The following DPYD variants were observed in gnomAD, a reference collection of about 807,000 sequenced individuals.
DPYD encodes the protein dihydropyrimidine dehydrogenase, also known as dihydropyrimidine dehydrogenase [NADP(+)].
Under a neutral mutation model 116.2 loss-of-function variants are expected in DPYD, and 109 were observed. The observed-to-expected ratio is 0.94, with a 90% CI of 0.80 to 1.10. The LOEUF (loss-of-function observed/expected upper bound fraction) is 1.10. DPYD is among the 50% of genes least tolerant of loss of function. The pLI is 0.00. For missense variants in DPYD, 1,302 were observed against 1,254.5 expected, an observed-to-expected ratio of 1.04 and a Z score of -0.57; for synonymous variants, 440 against 432.0, an observed-to-expected ratio of 1.02 and a Z score of -0.23.
intron 8 of DPYD, among the ~76,000 whole-genome samples, chr1:97,629,866 G>A (rs1238546527): frequency 6.6e-6 from 1 of 151,992 alleles, no homozygotes; most frequent in African/African-American, 2.4e-5. Flanking sequence ...ACTGGGGGCT[G>A]TGAGAATTGA....
chr1:97,487,432 G>A (rs1183732944), intron 13 of DPYD, among the ~76,000 whole-genome samples: 1 of 152,186 alleles, frequency 6.6e-6, no homozygotes, highest in Non-Finnish European at 1.5e-5. Flanking sequence ...CCAGCACTTT[G>A]GGAGGCCAAG....
chr1:97,691,708 T>A lies in DPYD; in HGVS notation c.762+9A>T, dbSNP rs1448805727. 2 of 1,612,504 alleles carry A rather than the reference T, an allele frequency of 1.2e-6. No homozygotes were observed. Among genetic ancestry groups the A allele is most frequent in the African/African-American group, 2.7e-5 (2 of 74,870 alleles). ...GAGCAGTACACAGATAGGTGTTTTT[T>A]TCATTTACCTTTACACCAAGGTCCT... On this transcript the variant is annotated intron_variant, in intron 7 of 22. Transcript: ENST00000370192.
chr1:97,896,672 T>C (rs1037617532), intron 1 of DPYD, among the ~76,000 whole-genome samples: 1 of 151,816 alleles, frequency 6.6e-6, no homozygotes, highest in Non-Finnish European at 1.5e-5. Context: ...AACATATCCC[T>C]GCCAAAAACA....
At chr1:97,787,714 T>C (rs891563965) in intron 3 of DPYD, among the ~76,000 whole-genome samples, 6 of 152,262 alleles carry the variant, frequency 3.9e-5, no homozygotes, top group African/African-American at 1.4e-4. Context: ...GCTATAACAA[T>C]AATAGAGCAC....
At chr1:97,308,366 T>C (rs1667289414) in intron 16 of DPYD, 1 of 151,716 alleles carries the variant, frequency 6.6e-6, no homozygotes, top group Admixed American at 6.6e-5. Context: ...TGTTCACATA[T>C]ATTTTTCTCA....
chr1:97,336,337 G>A (rs1669281428), intron 16 of DPYD, among the ~76,000 whole-genome samples: 1 of 152,166 alleles, frequency 6.6e-6, no homozygotes, highest in South Asian at 2.1e-4. Flanking sequence ...CTGCAAAGAT[G>A]ATTTAAAGAA....
intron 13 of DPYD, among the ~76,000 whole-genome samples, chr1:97,459,168 TA>T (rs201326818): frequency 4.0e-5 from 6 of 151,700 alleles, no homozygotes; most frequent in Non-Finnish European, 7.4e-5. Context: ...TTTCTAGAAA[TA>T]AAAAAAATAA....
At chr1:97,570,660 T>C (rs1327775363) in intron 11 of DPYD, among the ~76,000 whole-genome samples, 1 of 151,908 alleles carries the variant, frequency 6.6e-6, no homozygotes, top group Non-Finnish European at 1.5e-5. Context: ...ATGGTACCAT[T>C]TGCAATAATA....
chr1:97,920,740 T>TC, intron 1 of DPYD, 144 bp downstream of exon 1: 1 of 1,214,534 alleles, frequency 8.2e-7, no homozygotes, highest in Non-Finnish European at 1.2e-6. Flanking sequence ...GCTCCTCCGC[T>TC]CCCCCGCAGA....
intron 13 of DPYD, among the ~76,000 whole-genome samples, chr1:97,465,371 T>C (rs554329319): frequency 6.6e-6 from 1 of 152,140 alleles, no homozygotes; most frequent in African/African-American, 2.4e-5. Flanking sequence ...GAAGGTATGA[T>C]TGGTTTTGAA....
chr1:97,384,292 C>T (rs1223601235), intron 14 of DPYD, among the ~76,000 whole-genome samples: 1 of 148,776 alleles, frequency 6.7e-6, no homozygotes, highest in Admixed American at 6.7e-5. Flanking sequence ...TAAACGTTTT[C>T]ATCAGGAGAA....
intron 20 of DPYD, among the ~76,000 whole-genome samples, chr1:97,111,212 G>T (rs1381027206): frequency 2.6e-5 from 4 of 151,836 alleles, no homozygotes; most frequent in Non-Finnish European, 1.5e-5. Context: ...CTTTTGACTT[G>T]GTATAACGTA....
intron 14 of DPYD, among the ~76,000 whole-genome samples, chr1:97,383,020 C>T (rs72728440): frequency 0.074 from 11,173 of 151,806 alleles, 501 homozygotes; most frequent in African/African-American, 0.12. Context: ...TACAGAAATC[C>T]CATAATGGAG....
At chr1:97,248,751 T>C (rs1416674260) in intron 18 of DPYD, among the ~76,000 whole-genome samples, 7 of 152,176 alleles carry the variant, frequency 4.6e-5, no homozygotes, top group Non-Finnish European at 4.4e-5. Flanking sequence ...AATCAGACTT[T>C]ATGTTAAAAA....
chr1:97,582,477 A>G (rs1347497789), intron 10 of DPYD, among the ~76,000 whole-genome samples: 2 of 152,214 alleles, frequency 1.3e-5, no homozygotes, highest in Non-Finnish European at 2.9e-5. Context: ...CGGCCCATTC[A>G]CACTTGATCT....
At chr1:97,096,120 A>G (rs556445302) in intron 21 of DPYD, 1 of 152,308 alleles carries the variant, frequency 6.6e-6, no homozygotes, top group Non-Finnish European at 1.5e-5. Flanking sequence ...AAGATGCCTT[A>G]TTCCTCTTTG....
intron 12 of DPYD, among the ~76,000 whole-genome samples, chr1:97,537,994 G>C (rs1650144756): frequency 6.6e-6 from 1 of 151,872 alleles, no homozygotes; most frequent in South Asian, 2.1e-4. Flanking sequence ...TTGAACCCGG[G>C]AGGCGGAGGT....
At position 97,225,557 on chromosome 1, in the gene DPYD, GTTGTT is replaced by G. The variant is rs1309868205; in HGVS notation, c.2442+9290_2442+9294del. Among the ~76,000 whole-genome samples the G allele has an allele frequency of 7.3e-4, 93 of 126,798 alleles. 1 individual carries two copies. The highest frequency in any genetic ancestry group is 2.8e-3 in the African/African-American group (90 of 32,390). 83.2% of individuals were successfully genotyped at this position (126,798 alleles called of 152,430 possible). A position where few individuals can be genotyped will look rare whatever the true frequency, so the allele number is the denominator to read the frequency against. Reference sequence around the variant, plus strand: ...CCTGAGTAAAAAATTTTGAAATCAGGTTGTTTTTTTTTTTTTTTTGCTTTTGAATT... The same window carrying G: ...CCTGAGTAAAAAATTTTGAAATCAGGTTTTTTTTTTTTTTGCTTTTGAATT... On this transcript the variant is annotated intron_variant, in intron 19 of 22. Coordinates refer to ENST00000370192, the MANE Select transcript of DPYD (RefSeq NM_000110.4).
At chr1:97,685,342 T>A (rs535592317) in intron 7 of DPYD, among the ~76,000 whole-genome samples, 43 of 152,174 alleles carry the variant, frequency 2.8e-4, no homozygotes, top group African/African-American at 9.6e-4. Flanking sequence ...TGAACATACC[T>A]CAAAATAATA....
Sources: gnomAD v4.1 joint callset for allele counts (sites outside exome capture counted in the v4.1 genomes callset) on GRCh38, gnomAD v4.1.1 for gene constraint, MANE v1.5 for transcripts, NCBI Gene and HGNC (gene_info 2026-07-23, HGNC 2026-07-21) for gene names.